MET: variants seen among roughly 807,000 people sequenced by gnomAD.
The protein encoded by MET is MET proto-oncogene, receptor tyrosine kinase, also known as hepatocyte growth factor receptor.
MET carries 48 observed loss-of-function variants against 133.1 expected under a neutral mutation model. That is an observed-to-expected ratio of 0.36 (90% CI 0.29 to 0.46). The LOEUF (loss-of-function observed/expected upper bound fraction) is 0.46. MET is among the 20% of genes least tolerant of loss of function. The pLI is 1.00. For synonymous variants in MET, 628 were observed against 616.5 expected (o/e 1.02, Z -0.28); for missense variants, 1,442 against 1,695.9 (o/e 0.85, Z 2.63).
intron 2 of MET, among the ~76,000 whole-genome samples, chr7:116,702,265 G>C (rs1471303322): frequency 2.0e-5 from 3 of 152,064 alleles, no homozygotes; most frequent in Non-Finnish European, 4.4e-5. Context: ...TTCTTACAAA[G>C]GAAGCCAACT....
intron 10 of MET, among the ~76,000 whole-genome samples, chr7:116,761,236 T>C (rs929986481): frequency 2.6e-5 from 4 of 152,208 alleles, no homozygotes; most frequent in Non-Finnish European, 4.4e-5. Flanking sequence ...AAAAATCTTA[T>C]TTGTTTATAT....
At chr7:116,754,164 G>A (rs187911662) in intron 5 of MET, among the ~76,000 whole-genome samples, 72 of 152,238 alleles carry the variant, frequency 4.7e-4, no homozygotes, top group African/African-American at 1.7e-3. Context: ...ATGAATGAAT[G>A]AATGAATGAA....
intron 5 of MET, among the ~76,000 whole-genome samples, chr7:116,746,721 AT>A (rs1793703860): frequency 6.8e-6 from 1 of 147,834 alleles, no homozygotes. Flanking sequence ...ATAGGTGGGA[AT>A]TGAACAATGA....
At chr7:116,714,724 C>T (rs189511032) in intron 2 of MET, among the ~76,000 whole-genome samples, 191 of 148,342 alleles carry the variant, frequency 1.3e-3, no homozygotes, top group Admixed American at 3.4e-3. Context: ...CCTTTTTATA[C>T]AGTTAAACAC....
At chr7:116,722,857 A>C (rs1242634687) in intron 2 of MET, among the ~76,000 whole-genome samples, 1 of 151,390 alleles carries the variant, frequency 6.6e-6, no homozygotes, top group East Asian at 1.9e-4. Flanking sequence ...ATCCGCTGTT[A>C]GTCTGATGGG....
chr7:116,782,436 A>T (rs1795185358), intron 18 of MET, among the ~76,000 whole-genome samples: 1 of 152,216 alleles, frequency 6.6e-6, no homozygotes, highest in Non-Finnish European at 1.5e-5. Flanking sequence ...GACAGTGAAA[A>T]GGAGAGGGCT....
chr7:116,717,134 G>T (rs1183996780), intron 2 of MET, among the ~76,000 whole-genome samples: 1 of 152,102 alleles, frequency 6.6e-6, no homozygotes, highest in African/African-American at 2.4e-5. Flanking sequence ...AAACAACTTG[G>T]TCAGATTCTT....
At chr7:116,780,105 A>G (rs946896919) in intron 17 of MET, among the ~76,000 whole-genome samples, 1 of 152,192 alleles carries the variant, frequency 6.6e-6, no homozygotes, top group Admixed American at 6.5e-5. Context: ...TAATTGTTGA[A>G]TGAATCAGCT....
At chr7:116,678,394 G>A (rs991739492) in intron 1 of MET, among the ~76,000 whole-genome samples, 1 of 151,828 alleles carries the variant, frequency 6.6e-6, no homozygotes, top group Non-Finnish European at 1.5e-5. Context: ...GAATTCTGAG[G>A]CAGCACCTAG....
chr7:116,791,968 T>A (rs1795514302), intron 19 of MET, among the ~76,000 whole-genome samples: 1 of 152,218 alleles, frequency 6.6e-6, no homozygotes, highest in Non-Finnish European at 1.5e-5. Context: ...CACAAATGCA[T>A]TTTTCTAGTC....
At position 116,739,897 on chromosome 7, in the gene MET, T is replaced by C. The variant is rs1003013474; in HGVS notation, c.1393-53T>C. 6.2e-6 allele frequency: 10 copies of C among 1,612,890 alleles called. No homozygotes were observed. The East Asian group carries it at 6.7e-5, about 11-fold the overall frequency. The stretch of plus-strand genomic sequence containing the variant: ...CATTATCATCTACATTTTCCACTTA[T>C]ATTTAAACTGAGCTTGTTGGAATAA... On this transcript the variant is annotated intron_variant, in intron 3 of 20. Transcript: ENST00000397752.
intron 5 of MET, among the ~76,000 whole-genome samples, chr7:116,743,710 T>A (rs953123032): frequency 3.3e-5 from 5 of 152,232 alleles, no homozygotes; most frequent in Non-Finnish European, 5.9e-5. Flanking sequence ...CCTCTTCAAG[T>A]GGGCCCCTGA....
intron 17 of MET, 105 bp downstream of exon 17, chr7:116,779,062 C>A: frequency 8.7e-7 from 1 of 1,143,944 alleles, no homozygotes; most frequent in Non-Finnish European, 1.3e-6. Context: ...GCCAAAGATG[C>A]ACATTTAAAA....
intron 5 of MET, among the ~76,000 whole-genome samples, chr7:116,749,592 T>C (rs1793836922): frequency 6.6e-6 from 1 of 152,098 alleles, no homozygotes; most frequent in Admixed American, 6.5e-5. Context: ...CAACATAACA[T>C]TGGAAGTTCT....
chr7:116,681,175 T>G (rs1447529225), intron 1 of MET, among the ~76,000 whole-genome samples: 2 of 152,094 alleles, frequency 1.3e-5, no homozygotes, highest in African/African-American at 2.4e-5. Context: ...CCAGGAAGAA[T>G]AGCAGGAATA....
At chr7:116,787,104 T>C (rs1015600362) in intron 19 of MET, among the ~76,000 whole-genome samples, 1 of 152,054 alleles carries the variant, frequency 6.6e-6, no homozygotes, top group African/African-American at 2.4e-5. Context: ...ATGCATGAGA[T>C]TGGTAAGAGA....
At chr7:116,731,908 A>G (rs760052842) in intron 3 of MET, 49 bp downstream of exon 3, 8 of 1,591,736 alleles carry the variant, frequency 5.0e-6, no homozygotes, top group Admixed American at 1.7e-5. Context: ...GGTATTGTGC[A>G]ATTAATTTGT....
chr7:116,707,327 C>T (rs750272033), intron 2 of MET, among the ~76,000 whole-genome samples: 5 of 151,984 alleles, frequency 3.3e-5, no homozygotes, highest in African/African-American at 7.2e-5. Context: ...TGAAGTCTGA[C>T]TTCATTTGTC....
intron 1 of MET, among the ~76,000 whole-genome samples, chr7:116,683,104 G>T (rs1167804286): frequency 6.6e-6 from 1 of 152,052 alleles, no homozygotes; most frequent in Middle Eastern, 3.2e-3. Flanking sequence ...AGGCTCAGTG[G>T]TACATGCGCA....
Sources: allele counts gnomAD v4.1 joint callset (sites outside exome capture counted in the v4.1 genomes callset), GRCh38; gene constraint gnomAD v4.1.1; transcripts MANE v1.5; gene names NCBI Gene and HGNC (gene_info 2026-07-23, HGNC 2026-07-21).